The following CSMD1 variants were observed in gnomAD, a reference collection of about 807,000 sequenced individuals.
CSMD1 encodes the protein CUB and sushi domain-containing protein 1.
CSMD1 carries 213 observed loss-of-function variants against 417.5 expected under a neutral mutation model. The observed-to-expected ratio is 0.51, with a 90% CI of 0.46 to 0.57. CSMD1 has a LOEUF of 0.57. Ranked by LOEUF, CSMD1 falls within the 20% of genes least tolerant of loss-of-function variation. The pLI is 0.00. For synonymous variants in CSMD1, 2,862 were observed against 1,736.8 expected (o/e 1.65, Z -16.11); for missense variants, 6,923 against 4,529.7 (o/e 1.53, Z -15.17).
At chr8:4,051,461 T>A (rs1003532150) in intron 3 of CSMD1, among the ~76,000 whole-genome samples, 6 of 152,208 alleles carry the variant, frequency 3.9e-5, no homozygotes, top group African/African-American at 1.2e-4. Context: ...CAAAGCGCCC[T>A]ACACGTATAA....
chr8:4,808,525 T>C (rs1417592290), intron 1 of CSMD1, among the ~76,000 whole-genome samples: 1 of 152,194 alleles, frequency 6.6e-6, no homozygotes, highest in Non-Finnish European at 1.5e-5. Context: ...GGATCCCTTG[T>C]GGTAGAAAAA....
At chr8:3,458,294 C>T (rs1461998214) in intron 12 of CSMD1, among the ~76,000 whole-genome samples, 5 of 152,118 alleles carry the variant, frequency 3.3e-5, no homozygotes, top group African/African-American at 9.7e-5. Context: ...TCTCCTGGCT[C>T]ATATGTGCTG....
Position 3,095,576 on chromosome 8 carries a change from G to A in CSMD1, c.7138+1273C>T, listed in dbSNP as rs573322105. On this transcript the variant is annotated intron_variant, in intron 47 of 69. Coordinates refer to ENST00000635120, the MANE Select transcript of CSMD1 (RefSeq NM_033225.6). ...AAAATACATTAATTGATTCAGTGAT[G>A]TCTATCCATACAAGCAATTTGACTC... is the stretch of plus-strand genomic sequence containing the variant. Among the ~76,000 whole-genome samples the A allele has an allele frequency of 5.9e-5, 9 of 152,186 alleles. 1 individual carries two copies. The highest frequency in any genetic ancestry group is 1.9e-4 in the African/African-American group (8 of 41,530).
rs562400360 is a variant in CSMD1 at position 3,927,549 on chromosome 8, C to A, written c.818+70354G>T. Among the ~76,000 whole-genome samples, 242 of 149,752 alleles carry A rather than the reference C, an allele frequency of 1.6e-3. 1 individual carries two copies. Among genetic ancestry groups the A allele is most frequent in the African/African-American group, 5.6e-3 (232 of 41,294 alleles). Reference sequence around the variant, plus strand: ...CCGTGGTGGTGCATCACTGTAATCCCAGCTACTAGAGAGGCTGAGGCAGGA... The same window carrying A: ...CCGTGGTGGTGCATCACTGTAATCCAAGCTACTAGAGAGGCTGAGGCAGGA... On this transcript the variant is annotated intron_variant, in intron 5 of 69. Coordinates refer to ENST00000635120, the MANE Select transcript of CSMD1 (RefSeq NM_033225.6).
At chr8:3,639,490 C>G (rs956848498) in intron 7 of CSMD1, among the ~76,000 whole-genome samples, 20 of 152,222 alleles carry the variant, frequency 1.3e-4, no homozygotes, top group African/African-American at 4.8e-4. Context: ...AAAATAAGGA[C>G]AGAGCACTAA....
chr8:4,792,986 A>C (rs1421083835), intron 1 of CSMD1, among the ~76,000 whole-genome samples: 1 of 6,108 alleles, frequency 1.6e-4, no homozygotes, highest in Non-Finnish European at 3.3e-3. Flanking sequence ...TGTATGCAAT[A>C]TATATATATA....
At chr8:4,475,391 G>T (rs961060451) in intron 2 of CSMD1, among the ~76,000 whole-genome samples, 1 of 152,092 alleles carries the variant, frequency 6.6e-6, no homozygotes, top group African/African-American at 2.4e-5. Context: ...AATGTGTTAT[G>T]ATCCTGAAAA....
intron 12 of CSMD1, among the ~76,000 whole-genome samples, chr8:3,412,644 A>C (rs765471980): frequency 6.6e-6 from 1 of 152,238 alleles, no homozygotes; most frequent in Non-Finnish European, 1.5e-5. Flanking sequence ...TGCTAACGTC[A>C]CACCTCAGGC....
At chr8:3,090,436 T>C (rs931366787) in intron 48 of CSMD1, among the ~76,000 whole-genome samples, 2 of 152,144 alleles carry the variant, frequency 1.3e-5, no homozygotes, top group East Asian at 1.9e-4. Flanking sequence ...GAGTATATTT[T>C]ATTAAACCTT....
intron 1 of CSMD1, among the ~76,000 whole-genome samples, chr8:4,646,236 A>C (rs1022285527): frequency 6.6e-6 from 1 of 152,002 alleles, no homozygotes; most frequent in African/African-American, 2.4e-5. Context: ...TATTATATTT[A>C]TTTTTTCTTA....
chr8:4,293,920 T>A (rs1394628057), intron 3 of CSMD1, among the ~76,000 whole-genome samples: 1 of 151,892 alleles, frequency 6.6e-6, no homozygotes, highest in Non-Finnish European at 1.5e-5. Context: ...TAGTGTCTAC[T>A]GTAGAGCTTT....
At chr8:2,981,317 G>A (rs560787826) in intron 54 of CSMD1, among the ~76,000 whole-genome samples, 2 of 152,304 alleles carry the variant, frequency 1.3e-5, no homozygotes, top group South Asian at 2.1e-4. Context: ...GGGATCTGAT[G>A]GAAAGAGGCT....
intron 2 of CSMD1, among the ~76,000 whole-genome samples, chr8:4,530,631 T>A (rs1274247131): frequency 6.6e-6 from 1 of 151,506 alleles, no homozygotes; most frequent in East Asian, 1.9e-4. Context: ...TTTCTGAGGA[T>A]GATGGTTTCT....
At chr8:4,177,358 A>C (rs1277083549) in intron 3 of CSMD1, among the ~76,000 whole-genome samples, 3 of 152,082 alleles carry the variant, frequency 2.0e-5, no homozygotes, top group African/African-American at 7.2e-5. Flanking sequence ...TGACGGCAGA[A>C]ATAAAGATGT....
At chr8:4,140,080 C>G (rs1037030580) in intron 3 of CSMD1, among the ~76,000 whole-genome samples, 8 of 151,020 alleles carry the variant, frequency 5.3e-5, no homozygotes, top group African/African-American at 2.0e-4. Context: ...TAGCCAGGTA[C>G]AGTTACTCAT....
intron 7 of CSMD1, among the ~76,000 whole-genome samples, chr8:3,653,155 T>C (rs1464045946): frequency 6.6e-6 from 1 of 151,886 alleles, no homozygotes; most frequent in Non-Finnish European, 1.5e-5. Context: ...TTTTTCAAGT[T>C]GCATATATTT....
intron 18 of CSMD1, among the ~76,000 whole-genome samples, chr8:3,384,755 T>C (rs1336381070): frequency 7.9e-6 from 1 of 125,978 alleles, no homozygotes; most frequent in African/African-American, 3.1e-5. Flanking sequence ...TATATTTATA[T>C]AAATTATATA....
rs192339239 is a variant in CSMD1 at position 3,918,892 on chromosome 8, G to C, written c.818+79011C>G. Among the ~76,000 whole-genome samples the C allele has an allele frequency of 1.7e-3, 259 of 151,960 alleles. 2 individuals carry two copies. The highest frequency in any genetic ancestry group is 8.4e-4 in the Non-Finnish European group (57 of 67,968). On this transcript the variant is annotated intron_variant, in intron 5 of 69. Transcript: ENST00000635120. ...GGACTTGTGGGGAAAGAATAGGAAG[G>C]GGGTGAAGGATAAAAGACTACAAAC...
At position 3,023,398 on chromosome 8, in the gene CSMD1, C is replaced by T. The variant is rs567403053; in HGVS notation, c.7856-4748G>A. On this transcript the variant is annotated intron_variant, in intron 51 of 69. Coordinates refer to ENST00000635120, the MANE Select transcript of CSMD1 (RefSeq NM_033225.6). ...TTCTTTTTAAATATGAACAGTAAGT[C>T]GAACAATAAATAAATGTAATAAGAC... is the stretch of plus-strand genomic sequence containing the variant. Among the ~76,000 whole-genome samples, 52 of 152,160 alleles carry T rather than the reference C, an allele frequency of 3.4e-4. No homozygotes were observed. In the South Asian group the frequency reaches 9.5e-3, roughly 28 times the overall value.
Sources: gnomAD v4.1 joint callset for allele counts (sites outside exome capture counted in the v4.1 genomes callset) on GRCh38, gnomAD v4.1.1 for gene constraint, MANE v1.5 for transcripts, NCBI Gene and HGNC (gene_info 2026-07-23, HGNC 2026-07-21) for gene names.